The following GCNT4 variants were observed in gnomAD, a reference collection of about 807,000 sequenced individuals.
The protein encoded by GCNT4 is glucosaminyl (N-acetyl) transferase 4, also known as beta-1,3-galactosyl-O-glycosyl-glycoprotein beta-1,6-N-acetylglucosaminyltransferase 4.
GCNT4 carries 17 observed loss-of-function variants against 31.3 expected under a neutral mutation model. The observed-to-expected ratio is 0.54, with a 90% CI of 0.37 to 0.81. The LOEUF (loss-of-function observed/expected upper bound fraction) is 0.81. GCNT4 is among the 40% of genes least tolerant of loss of function. The pLI, the probability that GCNT4 is intolerant of heterozygous loss-of-function variation, is 0.00. For synonymous variants in GCNT4, 158 were observed against 190.6 expected, an observed-to-expected ratio of 0.83 and a Z score of 1.41; for missense variants, 503 against 525.5, an observed-to-expected ratio of 0.96 and a Z score of 0.42.
In GCNT4 at chr5:75,028,643, A is replaced by C; in HGVS notation, c.*33T>G. On this transcript the variant is annotated 3_prime_UTR_variant, in exon 4 of 4. Transcript: ENST00000652361. Reference sequence around the variant, plus strand: ...CAATTCCACACTGACTCCATTTATCAGGCACCCTCTTATTTCCATCCTGAT... The same window carrying C: ...CAATTCCACACTGACTCCATTTATCCGGCACCCTCTTATTTCCATCCTGAT... The C allele has an allele frequency of 6.4e-7, 1 of 1,570,098 alleles. No homozygotes were observed. The highest frequency in any genetic ancestry group is 1.2e-5 in the South Asian group (1 of 83,020).
chr5:75,030,048 G>A lies in GCNT4; in HGVS notation c.-1-10C>T, dbSNP rs1290202948. 11 of 1,574,202 alleles carry A rather than the reference G, an allele frequency of 7.0e-6. No individual in the cohort carries two copies. The highest frequency in any genetic ancestry group is 1.4e-5 in the African/African-American group (1 of 73,262). ...TTTGAATATCTTCATTCTGTAAGAGGAGAAAGAAATAATCCAGTTGGAATA... is the reference window on the plus strand; with the variant it reads ...TTTGAATATCTTCATTCTGTAAGAGAAGAAAGAAATAATCCAGTTGGAATA... On this transcript the variant is annotated splice_polypyrimidine_tract_variant and intron_variant, in intron 3 of 3. Coordinates refer to ENST00000652361, the MANE Select transcript of GCNT4 (RefSeq NM_001366737.1).
chr5:75,029,220 C>G lies in GCNT4; in HGVS notation c.818G>C (p.Arg273Pro). 6.2e-7 allele frequency: 1 copy of G among 1,614,052 alleles called. No individual in the cohort carries two copies. The highest frequency in any genetic ancestry group is 2.2e-5 in the East Asian group (1 of 44,890). The stretch of plus-strand genomic sequence containing the variant: ...TAGCTTCACATATTCATAAGGCACC[C>G]GTCTAAGTTCATGATGGTAAGTGAA... ...ERFTYHHELR[R>P]VPYEYVKLPI... Residue 273 changes from arginine to proline, a missense_variant, in exon 4 of 4, where the codon CGG becomes CCG. Transcript: ENST00000652361.
chr5:75,034,926 T>C (rs189912617), intron 3 of GCNT4, among the ~76,000 whole-genome samples: 5,824 of 151,004 alleles, frequency 0.039, 162 homozygotes, highest in African/African-American at 0.088. Context: ...CACGACCGCA[T>C]TCAGGGACAC....
At chr5:75,035,455 A>G (rs1743175216) in intron 3 of GCNT4, among the ~76,000 whole-genome samples, 1 of 152,140 alleles carries the variant, frequency 6.6e-6, no homozygotes, top group Non-Finnish European at 1.5e-5. Flanking sequence ...GGAAGAAAGG[A>G]GCTGCGCTTC....
chr5:75,042,567 C>G (rs1013013369), intron 3 of GCNT4, among the ~76,000 whole-genome samples: 3 of 152,232 alleles, frequency 2.0e-5, no homozygotes, highest in African/African-American at 7.2e-5. Flanking sequence ...CAGGGATAAA[C>G]AGACATGAAT....
intron 3 of GCNT4, among the ~76,000 whole-genome samples, chr5:75,041,684 TAAC>T (rs964932527): frequency 4.3e-4 from 65 of 151,956 alleles, no homozygotes; most frequent in African/African-American, 1.3e-3. Context: ...TGTAGCAATG[TAAC>T]AACAACAACA....
At chr5:75,032,872 G>GGGGGGTGTGT (rs1302225317) in intron 3 of GCNT4, among the ~76,000 whole-genome samples, 1 of 130,646 alleles carries the variant, frequency 7.7e-6, no homozygotes, top group African/African-American at 2.7e-5. Context: ...CCCAAATAGG[G>GGGGGGTGTGT]GTGTGTGTGT....
chr5:75,025,784 G>T lies in GCNT4; in HGVS notation c.*2892C>A, dbSNP rs1165416766. On this transcript the variant is annotated 3_prime_UTR_variant, in exon 4 of 4. Transcript: ENST00000652361. ...TTTAAACACGTCTAATATCCCAAGA[G>T]ATTGTTCACACAATATAGACTATTT... The T allele has an allele frequency of 2.0e-5, 3 of 152,148 alleles. No individual in the cohort carries two copies. Among genetic ancestry groups the T allele is most frequent in the Non-Finnish European group, 4.4e-5 (3 of 68,026 alleles). 9.4% of individuals were successfully genotyped at this position (152,148 alleles called of 1,614,324 possible).
chr5:75,023,166 T>A (rs1242095208), downstream of GCNT4, among the ~76,000 whole-genome samples: 1 of 152,234 alleles, frequency 6.6e-6, no homozygotes, highest in Admixed American at 6.5e-5. Context: ...AAGAACATTA[T>A]TCTGAAATAG....
At chr5:75,035,561 C>G (rs2149960786) in intron 3 of GCNT4, among the ~76,000 whole-genome samples, 1 of 152,324 alleles carries the variant, frequency 6.6e-6, no homozygotes, top group East Asian at 1.9e-4. Context: ...GGCCAGTTTT[C>G]TTGTTAAAAA....
chr5:75,018,193 C>T, the GCNT4 span, among the ~76,000 whole-genome samples: 1 of 152,316 alleles, frequency 6.6e-6, no homozygotes, highest in East Asian at 1.9e-4. Flanking sequence ...CAGGTGATGA[C>T]CACATGATAA....
chr5:75,053,729 TC>T (rs1453942049), upstream of GCNT4, among the ~76,000 whole-genome samples: 1 of 151,784 alleles, frequency 6.6e-6, no homozygotes, highest in East Asian at 2.0e-4. Flanking sequence ...TAGGAGCGCC[TC>T]CGCGCTCCCG....
rs1743023383 is a variant in GCNT4 at position 75,029,812 on chromosome 5, TAC to T, written c.224_225del (p.Gly75AspfsTer3). ...DEVRYEVNCS[G>X]IYEQEPLEIG... ...ATTTCCAAAGGCTCCTGTTCATAGA[TAC>T]CCGAACAGTTAACTTCATACCTGAC... On this transcript the variant is annotated frameshift_variant, in exon 4 of 4. Transcript: ENST00000652361. LOFTEE classifies it high-confidence loss of function. 6.2e-7 allele frequency: 1 copy of T among 1,614,036 alleles called. No individual in the cohort carries two copies. Among genetic ancestry groups the T allele is most frequent in the South Asian group, 1.1e-5 (1 of 91,082 alleles).
chr5:75,047,169 T>C (rs57535353), intron 3 of GCNT4, among the ~76,000 whole-genome samples: 3,265 of 152,282 alleles, frequency 0.021, 114 homozygotes, highest in African/African-American at 0.073. Flanking sequence ...CCCTGTCACA[T>C]AAAACTTATA....
chr5:75,043,968 G>C (rs1382600039), intron 3 of GCNT4, among the ~76,000 whole-genome samples: 2 of 152,184 alleles, frequency 1.3e-5, no homozygotes. Flanking sequence ...AATATCTGAA[G>C]GAAAGCAGAT....
chr5:75,024,000 C>G (rs909779688), downstream of GCNT4: 1 of 152,170 alleles, frequency 6.6e-6, no homozygotes, highest in African/African-American at 2.4e-5. Context: ...CGTGGGTTAA[C>G]ACCCTGATCA....
At chr5:75,038,611 G>C (rs1339650993) in intron 3 of GCNT4, among the ~76,000 whole-genome samples, 1 of 152,206 alleles carries the variant, frequency 6.6e-6, no homozygotes, top group Non-Finnish European at 1.5e-5. Flanking sequence ...CCAAGATGGT[G>C]CCTTGCTGCT....
In GCNT4 at chr5:75,026,277, G is replaced by A. The variant is rs1317715034; in HGVS notation, c.*2399C>T. On this transcript the variant is annotated 3_prime_UTR_variant, in exon 4 of 4. Transcript: ENST00000652361. ...GTTTTTCAGCATTTACGTTTATTCTGATGAGCAAAGGCATAAAAACCAAGA... is the reference window on the plus strand; with the variant it reads ...GTTTTTCAGCATTTACGTTTATTCTAATGAGCAAAGGCATAAAAACCAAGA... The A allele has an allele frequency of 1.3e-5, 2 of 152,188 alleles. No homozygotes were observed. Among genetic ancestry groups the A allele is most frequent in the African/African-American group, 4.8e-5 (2 of 41,444 alleles). The allele number at this position is 152,188 out of a possible 1,614,324, so 9.4% of individuals were successfully genotyped here. A position where few individuals can be genotyped will look rare whatever the true frequency, so the allele number is the denominator to read the frequency against.
chr5:75,023,272 T>A (rs547144969), downstream of GCNT4, among the ~76,000 whole-genome samples: 1 of 152,348 alleles, frequency 6.6e-6, no homozygotes, highest in Admixed American at 6.5e-5. Flanking sequence ...ACTTTGAGAA[T>A]CTGAAGAGCC....
Sources: gnomAD v4.1 joint callset for allele counts (sites outside exome capture counted in the v4.1 genomes callset) on GRCh38, gnomAD v4.1.1 for gene constraint, MANE v1.5 for transcripts, NCBI Gene and HGNC (gene_info 2026-07-23, HGNC 2026-07-21) for gene names.